ATP6V1A: variants seen among roughly 807,000 people sequenced by gnomAD.
ATP6V1A encodes V-type proton ATPase catalytic subunit A.
ATP6V1A carries 18 observed loss-of-function variants against 70.1 expected under a neutral mutation model. The ratio of observed to expected loss-of-function variants is 0.26; its 90% CI spans 0.18 to 0.38. The LOEUF (loss-of-function observed/expected upper bound fraction) is 0.38, where lower values mean the gene tolerates loss of function less well. ATP6V1A is among the 10% of genes least tolerant of loss of function. The pLI is 1.00. For missense variants in ATP6V1A, 424 were observed against 772.4 expected (o/e 0.55, Z 5.35); for synonymous variants, 232 against 253.8 (o/e 0.91, Z 0.82).
rs557262127 is a variant in ATP6V1A, at chr3:113,784,447, G to T, written c.426+9G>T. The T allele has an allele frequency of 6.3e-6, 10 of 1,585,336 alleles. No individual in the cohort carries two copies. Among genetic ancestry groups the T allele is most frequent in the Non-Finnish European group, 8.6e-6 (10 of 1,156,470 alleles). ...CTTGCAAAAACCTACGGGTATGTCT[G>T]TGTAACCAAGAATTTCTGAAGTTAT... On this transcript the variant is annotated intron_variant, in intron 4 of 14. Transcript: ENST00000273398.
At chr3:113,795,058 ACT>A (rs745378419) in intron 9 of ATP6V1A, 30 bp from the exon 10 acceptor site, 12 of 1,612,760 alleles carry the variant, frequency 7.4e-6, no homozygotes, top group Admixed American at 1.7e-5. Context: ...TGGCTTAGAA[ACT>A]CTGTTTTAAA....
chr3:113,757,139 A>G (rs1305385809), intron 1 of ATP6V1A, among the ~76,000 whole-genome samples: 2 of 152,204 alleles, frequency 1.3e-5, no homozygotes, highest in African/African-American at 2.4e-5. Context: ...GACACTTAAA[A>G]TACAGAATCT....
intron 2 of ATP6V1A, among the ~76,000 whole-genome samples, chr3:113,779,740 A>G (rs1198227410): frequency 6.6e-6 from 1 of 152,222 alleles, no homozygotes; most frequent in African/African-American, 2.4e-5. Flanking sequence ...GGATGGACAG[A>G]CTAAACCCAA....
chr3:113,782,193 C>T (rs1439779006), intron 3 of ATP6V1A, among the ~76,000 whole-genome samples: 2 of 151,962 alleles, frequency 1.3e-5, no homozygotes, highest in Non-Finnish European at 2.9e-5. Context: ...TACTAGGTGC[C>T]AATTTAAAAC....
chr3:113,784,935 A>G (rs1709021320), intron 5 of ATP6V1A, 102 bp downstream of exon 5: 3 of 1,262,512 alleles, frequency 2.4e-6, no homozygotes, highest in Non-Finnish European at 3.2e-6. Context: ...TATTTAATAC[A>G]TAAGTTTTGA....
At chr3:113,749,265 A>G (rs1440360182) in intron 1 of ATP6V1A, among the ~76,000 whole-genome samples, 1 of 23,906 alleles carries the variant, frequency 4.2e-5, no homozygotes, top group East Asian at 1.6e-3. Context: ...TACACAGATC[A>G]CACACACACA....
chr3:113,790,112 A>G (rs1327667408), intron 8 of ATP6V1A, among the ~76,000 whole-genome samples: 1 of 152,010 alleles, frequency 6.6e-6, no homozygotes, highest in Non-Finnish European at 1.5e-5. Context: ...TCTACTAAAA[A>G]TACAAAAAAT....
intron 11 of ATP6V1A, among the ~76,000 whole-genome samples, chr3:113,797,220 A>G (rs1426968539): frequency 1.3e-5 from 2 of 150,454 alleles, no homozygotes; most frequent in Non-Finnish European, 3.0e-5. Context: ...TACAAGCGTG[A>G]GCCACCATGC....
At chr3:113,793,287 T>C (rs1255341874) in intron 8 of ATP6V1A, among the ~76,000 whole-genome samples, 1 of 152,180 alleles carries the variant, frequency 6.6e-6, no homozygotes, top group African/African-American at 2.4e-5. Flanking sequence ...GGTCTCGAAC[T>C]CCTGACCTCG....
At chr3:113,783,625 G>GCC (rs1358778449) in intron 3 of ATP6V1A, among the ~76,000 whole-genome samples, 2 of 152,166 alleles carry the variant, frequency 1.3e-5, no homozygotes, top group African/African-American at 4.8e-5. Flanking sequence ...CTCATGTGGT[G>GCC]CCAGGATATT....
At chr3:113,792,338 A>G (rs1208817547) in intron 8 of ATP6V1A, among the ~76,000 whole-genome samples, 1 of 151,468 alleles carries the variant, frequency 6.6e-6, no homozygotes, top group African/African-American at 2.4e-5. Context: ...GTTTCTTTGC[A>G]TGTTTTTTTT....
At chr3:113,775,364 G>A (rs1708898131) in intron 1 of ATP6V1A, among the ~76,000 whole-genome samples, 1 of 151,740 alleles carries the variant, frequency 6.6e-6, no homozygotes, top group Non-Finnish European at 1.5e-5. Context: ...TGAGTAGCTG[G>A]AATTACAGGC....
At chr3:113,763,181 TTCCTGGGTTCACCATTCTGCCTCAGCC>T (rs1194151325) in intron 1 of ATP6V1A, among the ~76,000 whole-genome samples, 1 of 152,114 alleles carries the variant, frequency 6.6e-6, no homozygotes, top group African/African-American at 2.4e-5. Context: ...CAGCCTCCGC[TTCCTGGGTTCACCATTCTGCCTCAGCC>T]TCCTGAGTAG....
At chr3:113,747,484 C>T (rs1708536230) in intron 1 of ATP6V1A, 2 of 152,344 alleles carry the variant, frequency 1.3e-5, no homozygotes, top group Admixed American at 1.3e-4. Context: ...CTGTCCTTAC[C>T]CTCAGCTCAG....
intron 14 of ATP6V1A, among the ~76,000 whole-genome samples, chr3:113,806,569 C>G (rs1323474372): frequency 6.6e-6 from 1 of 152,082 alleles, no homozygotes; most frequent in Non-Finnish European, 1.5e-5. Context: ...AGCGATTCTC[C>G]TGCCTCAGCC....
chr3:113,771,044 G>T (rs567633776), intron 1 of ATP6V1A, among the ~76,000 whole-genome samples: 1 of 148,482 alleles, frequency 6.7e-6, no homozygotes, highest in Non-Finnish European at 1.5e-5. Flanking sequence ...GCTGCGAACC[G>T]AGATCATGCC....
In ATP6V1A at chr3:113,809,442, A is replaced by G. The variant is rs1176115583; in HGVS notation, c.*15A>G. The stretch of plus-strand genomic sequence containing the variant: ...TTGAAGATTAGAAGCCTTGAAGATT[A>G]CAACTGTGATTTCCTTTTCCTCAGC... On this transcript the variant is annotated 3_prime_UTR_variant, in exon 15 of 15. Coordinates refer to ENST00000273398, the MANE Select transcript of ATP6V1A (RefSeq NM_001690.4). 1 of 1,605,386 alleles carries G rather than the reference A, an allele frequency of 6.2e-7. No individual in the cohort carries two copies. The highest frequency in any genetic ancestry group is 1.3e-5 in the African/African-American group (1 of 74,676).
intron 6 of ATP6V1A, among the ~76,000 whole-genome samples, chr3:113,788,299 T>C (rs1297312637): frequency 2.0e-5 from 3 of 152,004 alleles, no homozygotes; most frequent in Admixed American, 2.0e-4. Context: ...TAACTTGTGT[T>C]TTTGTGTTCC....
intron 1 of ATP6V1A, among the ~76,000 whole-genome samples, chr3:113,751,678 ACATATTAT>A (rs1708587957): frequency 6.6e-6 from 1 of 151,090 alleles, no homozygotes; most frequent in African/African-American, 2.4e-5. Flanking sequence ...TTTAGTATAT[ACATATTAT>A]GTATATACTA....
Sources: allele counts gnomAD v4.1 joint callset (sites outside exome capture counted in the v4.1 genomes callset), GRCh38; gene constraint gnomAD v4.1.1; transcripts MANE v1.5; gene names NCBI Gene and HGNC (gene_info 2026-07-23, HGNC 2026-07-21).